KIF1C: variants seen among roughly 807,000 people sequenced by gnomAD.
KIF1C encodes kinesin-like protein KIF1C.
In KIF1C, 61 loss-of-function variants were observed where a neutral mutation model predicts 126.5. The observed-to-expected ratio is 0.48, with a 90% confidence interval of 0.39 to 0.60. The LOEUF is 0.60. Ranked by LOEUF, KIF1C falls within the 20% of genes least tolerant of loss-of-function variation. The pLI is 0.00. For synonymous variants in KIF1C, 640 were observed against 580.6 expected, an observed-to-expected ratio of 1.10 and a Z score of -1.47; for missense variants, 1,315 against 1,489.2, an observed-to-expected ratio of 0.88 and a Z score of 1.93.
intron 16 of KIF1C, among the ~76,000 whole-genome samples, chr17:5,009,031 A>G (rs2143338225): frequency 6.6e-6 from 1 of 152,164 alleles, no homozygotes. Context: ...TTATAAAGGT[A>G]ATACACACCA....
rs142825776 is a variant in KIF1C, at chr17:5,007,292, C to T, written c.1365C>T (p.Asn455=). 231 of 1,611,634 alleles carry T rather than the reference C, an allele frequency of 1.4e-4. No individual in the cohort carries two copies. Among genetic ancestry groups the T allele is most frequent in the East Asian group, 5.6e-4 (25 of 44,802 alleles). The change falls in exon 15 of 23, where the codon AAC becomes AAT. Residue 455 remains asparagine (N), a synonymous_variant. Transcript: ENST00000320785. Reference sequence around the variant, plus strand: ...CAGAGAAGATTATAGCTGAGCTGAACGAGACATGGGAGGAGAAGCTACGCA... The same window carrying T: ...CAGAGAAGATTATAGCTGAGCTGAATGAGACATGGGAGGAGAAGCTACGCA... ...QETEKIIAEL[N]ETWEEKLRKT...
rs1974678738 is a variant in KIF1C, at chr17:5,004,494, C to T, written c.941-73C>T. On this transcript the variant is annotated intron_variant, in intron 11 of 22. Coordinates refer to ENST00000320785, the MANE Select transcript of KIF1C (RefSeq NM_006612.6). ...AGACCTCTGCCTGGGCAGTGGGCCC[C>T]AGCCCTGTGACCCGGTCTGACTTTG... is the stretch of plus-strand genomic sequence containing the variant. 20 of 1,427,386 alleles carry T rather than the reference C, an allele frequency of 1.4e-5. No homozygotes were observed. In the East Asian group the frequency reaches 3.9e-4, roughly 28 times the overall value. 88.4% of individuals were successfully genotyped at this position (1,427,386 alleles called of 1,614,324 possible). A position where few individuals can be genotyped will look rare whatever the true frequency, so the allele number is the denominator to read the frequency against.
In KIF1C at chr17:5,007,042, G is replaced by A. The variant is rs35919356; in HGVS notation, c.1293G>A (p.Thr431=). The change falls in exon 14 of 23, where the codon ACG becomes ACA. Residue 431 remains threonine (T), a synonymous_variant. Coordinates refer to ENST00000320785, the MANE Select transcript of KIF1C (RefSeq NM_006612.6). The stretch of plus-strand genomic sequence containing the variant: ...TGGAGCCGTCATTCTCCCCCAACAC[G>A]GAGTCCCAGATTGGGCCTGAGGAAG... ...GELEPSFSPN[T]ESQIGPEEAM... 33,518 of 1,606,784 alleles carry A rather than the reference G, an allele frequency of 0.021. 451 individuals carry two copies. Among genetic ancestry groups the A allele is most frequent in the Non-Finnish European group, 0.024 (28,610 of 1,177,834 alleles).
Position 5,020,851 on chromosome 17 carries a change from C to G in KIF1C, c.1983C>G (p.Ala661=). The stretch of plus-strand genomic sequence containing the variant: ...AGTACCGGAAAGAAAAGGAAGAAGC[C>G]GATCTTCTGCTGGAGCAGCAGCGAC... The part of the protein sequence containing the change: ...ENQYRKEKEE[A]DLLLEQQRLY... The change falls in exon 21 of 23, where the codon GCC becomes GCG. Residue 661 remains alanine, a synonymous_variant. Transcript: ENST00000320785. This position sits in a 1 kb window ranked among gnomAD's most constrained non-coding sequence, Gnocchi z 5.8. 1.9e-6 allele frequency: 3 copies of G among 1,586,706 alleles called. No individual in the cohort carries two copies. The highest frequency in any genetic ancestry group is 2.6e-6 in the Non-Finnish European group (3 of 1,166,212).
At chr17:5,016,690 G>C (rs932688720) in intron 18 of KIF1C, among the ~76,000 whole-genome samples, 2 of 151,744 alleles carry the variant, frequency 1.3e-5, no homozygotes. Flanking sequence ...GATCACTTGA[G>C]GTCAGGAGTT....
chr17:5,009,403 C>T (rs1309019791), intron 16 of KIF1C, among the ~76,000 whole-genome samples: 1 of 152,014 alleles, frequency 6.6e-6, no homozygotes, highest in African/African-American at 2.4e-5. Context: ...TGGTCTTGAA[C>T]TTCTGACCTC....
chr17:5,019,784 T>C, intron 18 of KIF1C: 1 of 590,002 alleles, frequency 1.7e-6, no homozygotes, highest in South Asian at 2.0e-5. Flanking sequence ...CAGAGGCTTC[T>C]GGGAATTGTA....
intron 21 of KIF1C, 110 bp from the exon 22 acceptor site, chr17:5,021,982 C>A: frequency 7.8e-7 from 1 of 1,275,720 alleles, no homozygotes; most frequent in Non-Finnish European, 1.1e-6. Flanking sequence ...GGACTTGAAC[C>A]CAGGCTCCCT....
chr17:5,021,814 C>T (rs531163460), intron 21 of KIF1C, among the ~76,000 whole-genome samples: 2 of 152,118 alleles, frequency 1.3e-5, no homozygotes, highest in East Asian at 1.9e-4. Flanking sequence ...GTTCCACACT[C>T]GATTAGCTAC....
intron 17 of KIF1C, 137 bp downstream of exon 17, chr17:5,013,869 C>G (rs967628350): frequency 1.1e-5 from 7 of 628,908 alleles, no homozygotes; most frequent in Non-Finnish European, 1.9e-5. Context: ...CTCCACAGCC[C>G]TGCACGCTCT....
rs781167716 is a variant in KIF1C, at chr17:5,006,928, A to G, written c.1179A>G (p.Glu393=). ...TCTCCCTCCCAGGCCTGAAGACGGAAGAAGGGAGTGTCAGAGGCGCCCTGC... is the reference window on the plus strand; with the variant it reads ...TCTCCCTCCCAGGCCTGAAGACGGAGGAAGGGAGTGTCAGAGGCGCCCTGC... ...SASALEGLKT[E]EGSVRGALPA... is the part of the protein sequence containing the mutation. Residue 393 remains glutamate, a synonymous_variant, in exon 14 of 23, where the codon GAA becomes GAG. Coordinates refer to ENST00000320785, the MANE Select transcript of KIF1C (RefSeq NM_006612.6). The G allele has an allele frequency of 1.4e-5, 22 of 1,610,062 alleles. No homozygotes were observed. In the Admixed American group the frequency reaches 3.4e-4, roughly 25 times the overall value.
chr17:4,999,472 C>A (rs912333561), intron 1 of KIF1C, among the ~76,000 whole-genome samples: 1 of 151,998 alleles, frequency 6.6e-6, no homozygotes, highest in African/African-American at 2.4e-5. Context: ...CCCATTCTTT[C>A]CTTCATAGCA....
At chr17:5,006,189 G>A (rs1021394746) in intron 13 of KIF1C, among the ~76,000 whole-genome samples, 2 of 150,694 alleles carry the variant, frequency 1.3e-5, no homozygotes, top group Non-Finnish European at 3.0e-5. Flanking sequence ...CCTAGCGACA[G>A]AGCAAGACTC....
chr17:5,023,910 G>C lies in KIF1C; in HGVS notation c.3071G>C (p.Arg1024Pro), dbSNP rs141225452. The change falls in exon 23 of 23, where the codon CGA (arginine) becomes CCA (proline). Residue 1024 changes from arginine to proline, a missense_variant. Arg to Pro is a moderately radical substitution (Grantham distance 103). Transcript: ENST00000320785. This position sits in a 1 kb window ranked among gnomAD's most constrained non-coding sequence, Gnocchi z 4.2. Reference protein sequence around the residue: ...ATPARRPPSPRRSHHPRRNSL... With the variant: ...ATPARRPPSPPRSHHPRRNSL... ...CCTGCCCGCCGGCCTCCGAGTCCCCGAAGGTCCCACCATCCCCGCAGGAAC... is the reference window on the plus strand; with the variant it reads ...CCTGCCCGCCGGCCTCCGAGTCCCCCAAGGTCCCACCATCCCCGCAGGAAC... 3.7e-5 allele frequency: 58 copies of C among 1,558,470 alleles called. No homozygotes were observed. The highest frequency in any genetic ancestry group is 3.5e-4 in the Middle Eastern group (2 of 5,790).
At position 5,001,406 on chromosome 17, in the gene KIF1C, G is replaced by A. The variant is rs371500484; in HGVS notation, c.363+5G>A. On this transcript the variant is annotated splice_donor_5th_base_variant and intron_variant, in intron 5 of 22. Transcript: ENST00000320785. ...CAGCAGGGCATCGTGCCCCAGGTAC[G>A]CCTAGGACCTGGTGGGGCAGCCAGG... The A allele has an allele frequency of 4.8e-5, 77 of 1,612,622 alleles. No homozygotes were observed. Among genetic ancestry groups the A allele is most frequent in the Admixed American group, 1.3e-4 (8 of 59,936 alleles).
intron 11 of KIF1C, among the ~76,000 whole-genome samples, 172 bp downstream of exon 11, chr17:5,004,245 G>A (rs1248223223): frequency 1.3e-5 from 2 of 152,030 alleles, no homozygotes; most frequent in East Asian, 3.9e-4. Context: ...TGAGAACAAG[G>A]CCATACCCTC....
intron 13 of KIF1C, among the ~76,000 whole-genome samples, chr17:5,006,422 T>C (rs891681686): frequency 6.6e-5 from 10 of 151,256 alleles, no homozygotes; most frequent in Admixed American, 1.3e-4. Context: ...CTGCAACCTC[T>C]ACCTCCTGGG....
rs1191273731 is a variant in KIF1C at position 5,020,863 on chromosome 17, G to A, written c.1995G>A (p.Leu665=). The part of the protein sequence containing the change: ...RKEKEEADLL[L]EQQRLYADSD... ...AAAAGGAAGAAGCCGATCTTCTGCT[G>A]GAGCAGCAGCGACTGGTGAGGGGCA... Residue 665 remains leucine (L), a synonymous_variant, in exon 21 of 23, where the codon CTG becomes CTA. Transcript: ENST00000320785. This position sits in a 1 kb window ranked among gnomAD's most constrained non-coding sequence, Gnocchi z 5.8. The A allele has an allele frequency of 6.3e-7, 1 of 1,582,214 alleles. No homozygotes were observed. Among genetic ancestry groups the A allele is most frequent in the Non-Finnish European group, 8.6e-7 (1 of 1,163,818 alleles).
In KIF1C at chr17:5,024,173, G is replaced by T; in HGVS notation, c.*22G>T. The T allele has an allele frequency of 6.5e-7, 1 of 1,548,146 alleles. No homozygotes were observed. The highest frequency in any genetic ancestry group is 1.2e-5 in the South Asian group (1 of 84,616). On this transcript the variant is annotated 3_prime_UTR_variant, in exon 23 of 23. Coordinates refer to ENST00000320785, the MANE Select transcript of KIF1C (RefSeq NM_006612.6). ...GTGAGTCCCACATCCTGGGCAGAGG[G>T]CCTGGTGGGGCCCCTTGCTAGGAGA...
Sources: gnomAD v4.1 joint callset for allele counts (sites outside exome capture counted in the v4.1 genomes callset) on GRCh38, gnomAD v4.1.1 for gene constraint, Gnocchi (gnomAD v3.1) non-coding constraint, MANE v1.5 for transcripts, NCBI Gene and HGNC (gene_info 2026-07-23, HGNC 2026-07-21) for gene names.